The following FBLN7 variants were observed in gnomAD, a reference collection of about 807,000 sequenced individuals.
The protein encoded by FBLN7 is fibulin 7.
Under a neutral mutation model 44.0 loss-of-function variants are expected in FBLN7, and 31 were observed. That is an observed-to-expected ratio of 0.70 (90% CI 0.53 to 0.95). FBLN7 has a LOEUF of 0.95. FBLN7 is among the 40% of genes least tolerant of loss of function. The probability of loss-of-function intolerance (pLI) is 0.00; values close to 1 mark genes in which losing one functional copy is unlikely to be tolerated. For missense variants in FBLN7, 573 were observed against 618.5 expected (o/e 0.93, Z 0.78); for synonymous variants, 262 against 253.4 (o/e 1.03, Z -0.32).
intron 7 of FBLN7, among the ~76,000 whole-genome samples, chr2:112,186,764 C>T (rs932128806): frequency 1.3e-5 from 2 of 152,226 alleles, no homozygotes; most frequent in Non-Finnish European, 2.9e-5. Context: ...GGCGAGGTCG[C>T]AGCACATGGA....
the FBLN7 span, chr2:112,231,709 A>G: frequency 2.3e-6 from 1 of 427,920 alleles, no homozygotes; most frequent in Non-Finnish European, 4.1e-6. Context: ...TTCTTAAGTT[A>G]TTAGTCCTAA....
At chr2:112,198,892 T>G in the FBLN7 span, among the ~76,000 whole-genome samples, 1 of 152,270 alleles carries the variant, frequency 6.6e-6, no homozygotes, top group African/African-American at 2.4e-5. Context: ...ACACCCTCAG[T>G]AAAGCCAGGG....
At chr2:112,154,929 G>A (rs1411906499) in intron 1 of FBLN7, among the ~76,000 whole-genome samples, 1 of 152,178 alleles carries the variant, frequency 6.6e-6, no homozygotes, top group African/African-American at 2.4e-5. Flanking sequence ...AGCCAGTGTT[G>A]AGGGGAAAGA....
chr2:112,148,762 G>A (rs576561768), intron 1 of FBLN7, among the ~76,000 whole-genome samples: 1 of 152,338 alleles, frequency 6.6e-6, no homozygotes, highest in East Asian at 1.9e-4. Flanking sequence ...TTCTCATGGT[G>A]GTTGTGGTGG....
chr2:112,190,721 A>G (rs1177593586), downstream of FBLN7: 1 of 152,002 alleles, frequency 6.6e-6, no homozygotes, highest in Non-Finnish European at 1.5e-5. Context: ...TTCATCCTGT[A>G]TATTTTCTGC....
At chr2:112,157,161 G>T (rs1446679297) in intron 1 of FBLN7, among the ~76,000 whole-genome samples, 1 of 152,212 alleles carries the variant, frequency 6.6e-6, no homozygotes, top group East Asian at 1.9e-4. Context: ...CCTGAAGTCA[G>T]GAGTTCGAGA....
At chr2:112,228,336 T>TA in the FBLN7 span, among the ~76,000 whole-genome samples, 1 of 152,050 alleles carries the variant, frequency 6.6e-6, no homozygotes, top group Admixed American at 6.6e-5. Flanking sequence ...AGCCTGTCTC[T>TA]ACTAAAAATA....
At chr2:112,201,682 A>G in the FBLN7 span, among the ~76,000 whole-genome samples, 1 of 152,218 alleles carries the variant, frequency 6.6e-6, no homozygotes, top group African/African-American at 2.4e-5. Context: ...TAGGGAGAAC[A>G]TAGAATCCTT....
the FBLN7 span, among the ~76,000 whole-genome samples, chr2:112,208,293 C>G: frequency 6.6e-6 from 1 of 152,080 alleles, no homozygotes; most frequent in Non-Finnish European, 1.5e-5. Flanking sequence ...CCCAGCTACT[C>G]GGGAGGCAAA....
At chr2:112,242,725 C>T in the FBLN7 span, among the ~76,000 whole-genome samples, 2 of 152,140 alleles carry the variant, frequency 1.3e-5, no homozygotes, top group Non-Finnish European at 2.9e-5. Flanking sequence ...GCATTCACCA[C>T]AATATTCCCA....
the FBLN7 span, among the ~76,000 whole-genome samples, chr2:112,207,726 T>C: frequency 6.6e-6 from 1 of 152,244 alleles, no homozygotes; most frequent in East Asian, 1.9e-4. Context: ...TTTTGGATTG[T>C]AATGTCATAA....
intron 1 of FBLN7, among the ~76,000 whole-genome samples, chr2:112,158,280 T>C (rs974580459): frequency 6.6e-6 from 1 of 152,084 alleles, no homozygotes; most frequent in East Asian, 1.9e-4. Flanking sequence ...AGGGTTTCAA[T>C]GTTATCCAGG....
the FBLN7 span, among the ~76,000 whole-genome samples, chr2:112,202,758 T>C: frequency 6.6e-6 from 1 of 152,306 alleles, no homozygotes; most frequent in South Asian, 2.1e-4. Context: ...CCTTGAAGAC[T>C]GAAAGCCCTG....
In FBLN7 at chr2:112,165,179, C is replaced by G. The variant is rs760230248; in HGVS notation, c.406+8C>G. ...AGCAGCCCCACTGTAGAGGTATCGT[C>G]TCTCCTTCCCATCCCACTGCGCTGG... is the stretch of plus-strand genomic sequence containing the variant. On this transcript the variant is annotated splice_region_variant and intron_variant, in intron 3 of 7. Coordinates refer to ENST00000331203, the MANE Select transcript of FBLN7 (RefSeq NM_153214.3). The G allele has an allele frequency of 6.2e-7, 1 of 1,613,606 alleles. No homozygotes were observed. The highest frequency in any genetic ancestry group is 1.1e-5 in the South Asian group (1 of 91,018).
chr2:112,160,232 C>T (rs1202170013), intron 2 of FBLN7, among the ~76,000 whole-genome samples: 7 of 152,124 alleles, frequency 4.6e-5, no homozygotes, highest in Non-Finnish European at 7.4e-5. Flanking sequence ...CCTCGTGATC[C>T]GCCCGCCTCG....
At chr2:112,233,152 T>A in the FBLN7 span, 1 of 651,272 alleles carries the variant, frequency 1.5e-6, no homozygotes. Context: ...TGGGCTTGGA[T>A]AATATCATTT....
chr2:112,181,985 C>G (rs1423878071), intron 5 of FBLN7, 109 bp downstream of exon 5: 2 of 1,382,372 alleles, frequency 1.4e-6, no homozygotes, highest in Admixed American at 2.8e-5. Context: ...TTCCTGCGCG[C>G]GGTCTCAGAA....
At chr2:112,163,056 CAAGG>C (rs1681958708) in intron 2 of FBLN7, among the ~76,000 whole-genome samples, 1 of 152,204 alleles carries the variant, frequency 6.6e-6, no homozygotes, top group East Asian at 1.9e-4. Context: ...GAGCTTTACT[CAAGG>C]AAGGCGATGC....
At chr2:112,176,327 C>T (rs1390440946) in intron 4 of FBLN7, 4 of 152,710 alleles carry the variant, frequency 2.6e-5, no homozygotes, top group Admixed American at 6.5e-5. Flanking sequence ...TATCTCGACC[C>T]AGAGAGTCTA....
Sources: allele counts gnomAD v4.1 joint callset (sites outside exome capture counted in the v4.1 genomes callset), GRCh38; gene constraint gnomAD v4.1.1; transcripts MANE v1.5; gene names NCBI Gene and HGNC (gene_info 2026-07-23, HGNC 2026-07-21).